Variants in PITPNC1 observed in about 807,000 individuals in gnomAD.
PITPNC1 encodes phosphatidylinositol transfer protein cytoplasmic 1, also known as cytoplasmic phosphatidylinositol transfer protein 1.
Under a neutral mutation model 44.7 loss-of-function variants are expected in PITPNC1, and 18 were observed. The observed-to-expected ratio is 0.40, with a 90% CI of 0.28 to 0.60. PITPNC1 has a LOEUF of 0.60. PITPNC1 is among the 20% of genes least tolerant of loss of function. The pLI is 0.39. For synonymous variants in PITPNC1, 141 were observed against 149.6 expected, an observed-to-expected ratio of 0.94 and a Z score of 0.42; for missense variants, 290 against 418.4, an observed-to-expected ratio of 0.69 and a Z score of 2.68.
chr17:67,529,192 G>A (rs967952359), intron 1 of PITPNC1, among the ~76,000 whole-genome samples: 3 of 152,178 alleles, frequency 2.0e-5, no homozygotes, highest in Non-Finnish European at 4.4e-5. Context: ...TGGTGAATCA[G>A]CTGCCTCGGC....
At chr17:67,497,757 C>T (rs1251077175) in intron 1 of PITPNC1, among the ~76,000 whole-genome samples, 1 of 151,142 alleles carries the variant, frequency 6.6e-6, no homozygotes, top group African/African-American at 2.4e-5. Context: ...TGAACTCCTG[C>T]ACTCAAGCAG....
chr17:67,387,397 G>A (rs2038071023), intron 1 of PITPNC1, among the ~76,000 whole-genome samples: 1 of 152,202 alleles, frequency 6.6e-6, no homozygotes, highest in Non-Finnish European at 1.5e-5. Flanking sequence ...CAGGCACAGC[G>A]GCTCACGCCT....
chr17:67,571,285 AG>A (rs1365960570), intron 4 of PITPNC1, among the ~76,000 whole-genome samples: 6 of 152,120 alleles, frequency 3.9e-5, no homozygotes. Context: ...AAAAAAAATT[AG>A]CTGGGTGTGG....
At chr17:67,410,588 G>A (rs971324241) in intron 1 of PITPNC1, among the ~76,000 whole-genome samples, 1 of 151,896 alleles carries the variant, frequency 6.6e-6, no homozygotes, top group African/African-American at 2.4e-5. Context: ...GTCTCGCTAT[G>A]TTGCCCAGGC....
intron 6 of PITPNC1, among the ~76,000 whole-genome samples, chr17:67,655,820 G>A (rs182190516): frequency 6.6e-6 from 1 of 152,030 alleles, no homozygotes; most frequent in East Asian, 2.0e-4. Context: ...GTGCATGCCT[G>A]TAATCCCAGC....
intron 1 of PITPNC1, among the ~76,000 whole-genome samples, chr17:67,475,913 C>G (rs1430904603): frequency 6.6e-6 from 1 of 152,194 alleles, no homozygotes; most frequent in East Asian, 1.9e-4. Flanking sequence ...GTTAACAGAG[C>G]AACAGAGCGG....
intron 1 of PITPNC1, among the ~76,000 whole-genome samples, chr17:67,531,456 C>T (rs1052835638): frequency 1.3e-5 from 2 of 152,136 alleles, no homozygotes. Context: ...CAGACGGCAG[C>T]TTGCTTCCAT....
intron 1 of PITPNC1, among the ~76,000 whole-genome samples, chr17:67,418,494 G>A (rs998663683): frequency 6.6e-6 from 1 of 152,130 alleles, no homozygotes; most frequent in African/African-American, 2.4e-5. Flanking sequence ...CTGTGAAACT[G>A]TGTTGTTGCG....
chr17:67,655,865 G>A (rs1222453822), intron 6 of PITPNC1, among the ~76,000 whole-genome samples: 1 of 152,158 alleles, frequency 6.6e-6, no homozygotes, highest in Non-Finnish European at 1.5e-5. Flanking sequence ...AGGAGCTCAA[G>A]GCTGCAGTGA....
chr17:67,585,594 A>G (rs1272632956), intron 5 of PITPNC1, among the ~76,000 whole-genome samples: 2 of 151,956 alleles, frequency 1.3e-5, no homozygotes, highest in Admixed American at 6.6e-5. Context: ...CTTAAGCTCA[A>G]GAGTTCAAGA....
chr17:67,681,470 A>C (rs2042704073), intron 8 of PITPNC1, among the ~76,000 whole-genome samples: 1 of 151,810 alleles, frequency 6.6e-6, no homozygotes, highest in Admixed American at 6.6e-5. Flanking sequence ...AATTAGCTGG[A>C]CATGATGGTG....
chr17:67,553,599 T>C lies in PITPNC1; in HGVS notation c.287-11T>C. ...CTTTCCTCTCTTCTTCAAATGAACA[T>C]GTGGAAACAGAATACACAGTAAGTT... is the stretch of plus-strand genomic sequence containing the variant. On this transcript the variant is annotated splice_polypyrimidine_tract_variant and intron_variant, in intron 3 of 8. Transcript: ENST00000581322. 1 of 1,220,544 alleles carries C rather than the reference T, an allele frequency of 8.2e-7. No homozygotes were observed. The highest frequency in any genetic ancestry group is 1.1e-6 in the Non-Finnish European group (1 of 877,700). The allele number at this position is 1,220,544 out of a possible 1,614,324, so 75.6% of individuals were successfully genotyped here.
intron 4 of PITPNC1, among the ~76,000 whole-genome samples, chr17:67,573,481 G>A (rs978997459): frequency 6.6e-6 from 1 of 151,726 alleles, no homozygotes; most frequent in Non-Finnish European, 1.5e-5. Flanking sequence ...GAAGAGTGAT[G>A]CTGCTTTGGA....
chr17:67,627,685 TTTTG>T lies in PITPNC1; in HGVS notation c.367-4446_367-4443del, dbSNP rs1052386078. ...GTTGGATGCTAAGAGGCGGTTTTGT[TTTTG>T]TTTGTTTGTTTTAATCATGGAAGGA... On this transcript the variant is annotated intron_variant, in intron 5 of 8. Coordinates refer to ENST00000581322, the MANE Select transcript of PITPNC1 (RefSeq NM_012417.4). 5.3e-5 allele frequency among the ~76,000 whole-genome samples: 8 copies of T among 152,246 alleles called. No individual in the cohort carries two copies. The East Asian group carries it at 5.8e-4, about 11-fold the overall frequency.
At chr17:67,502,151 GTAA>G (rs370760697) in intron 1 of PITPNC1, among the ~76,000 whole-genome samples, 7,643 of 125,370 alleles carry the variant, frequency 0.061, 253 homozygotes, top group Middle Eastern at 0.16. Context: ...TAACAGCAAA[GTAA>G]TAAGATGAAA....
chr17:67,527,290 T>G (rs947066900), intron 1 of PITPNC1, among the ~76,000 whole-genome samples: 3 of 152,092 alleles, frequency 2.0e-5, no homozygotes, highest in Non-Finnish European at 4.4e-5. Context: ...TACAGGCCTG[T>G]GGGGGGTCAG....
chr17:67,432,644 A>G (rs1414066765), intron 1 of PITPNC1, among the ~76,000 whole-genome samples: 3 of 152,226 alleles, frequency 2.0e-5, no homozygotes, highest in Non-Finnish European at 2.9e-5. Flanking sequence ...CTCTTATTCA[A>G]AGGGTTGGAC....
intron 1 of PITPNC1, among the ~76,000 whole-genome samples, chr17:67,487,314 A>G (rs554599541): frequency 6.6e-6 from 1 of 152,034 alleles, no homozygotes; most frequent in African/African-American, 2.4e-5. Flanking sequence ...AGCTGGGATT[A>G]TAGGCACTCA....
chr17:67,404,976 G>A (rs113186039), intron 1 of PITPNC1, among the ~76,000 whole-genome samples: 8,091 of 152,222 alleles, frequency 0.053, 668 homozygotes, highest in African/African-American at 0.18. Context: ...GCCAGGCACC[G>A]TCACTCACGC....
Sources: gnomAD v4.1 joint callset for allele counts (sites outside exome capture counted in the v4.1 genomes callset) on GRCh38, gnomAD v4.1.1 for gene constraint, MANE v1.5 for transcripts, NCBI Gene and HGNC (gene_info 2026-07-23, HGNC 2026-07-21) for gene names.